Variants in DACH2 observed in about 807,000 individuals in gnomAD.
DACH2 encodes dachshund family transcription factor 2.
Under a neutral mutation model 35.8 loss-of-function variants are expected in DACH2, and 17 were observed. That is an observed-to-expected ratio of 0.48 (90% confidence interval 0.33 to 0.71). DACH2 has a LOEUF of 0.71. Ranked by LOEUF, DACH2 falls within the 30% of genes least tolerant of loss-of-function variation. DACH2 has a pLI of 0.02. For missense variants in DACH2, 469 were observed against 472.7 expected, an observed-to-expected ratio of 0.99 and a Z score of 0.07; for synonymous variants, 195 against 177.3, an observed-to-expected ratio of 1.10 and a Z score of -0.79.
At chrX:86,806,041 C>T (rs943132637) in intron 7 of DACH2, among the ~76,000 whole-genome samples, 6 of 111,577 alleles carry the variant, frequency 5.4e-5, no homozygotes, top group African/African-American at 2.0e-4. Flanking sequence ...GCTGCTTCCA[C>T]GTTTTTAGGT....
At chrX:86,420,241 A>G (rs144822692) in intron 2 of DACH2, among the ~76,000 whole-genome samples, 2,755 of 112,102 alleles carry the variant, frequency 0.025, 74 homozygotes, top group African/African-American at 0.084. Flanking sequence ...CCAGATAAAT[A>G]AGTAACTGCA....
At chrX:86,687,898 G>T (rs188218516) in intron 4 of DACH2, among the ~76,000 whole-genome samples, 1 of 109,714 alleles carries the variant, frequency 9.1e-6, no homozygotes, top group Non-Finnish European at 1.9e-5. Context: ...GTCAGAGGGT[G>T]GGGGGCTAGG....
intron 1 of DACH2, among the ~76,000 whole-genome samples, chrX:86,328,353 A>C (rs1445289593): frequency 9.0e-6 from 1 of 111,707 alleles, no homozygotes; most frequent in Non-Finnish European, 1.9e-5. Flanking sequence ...GGAGTCATTC[A>C]CTTAAACAAT....
intron 1 of DACH2, among the ~76,000 whole-genome samples, chrX:86,274,617 C>T (rs1439929483): frequency 9.4e-6 from 1 of 106,028 alleles, no homozygotes; most frequent in Non-Finnish European, 1.9e-5. Flanking sequence ...GCCTCAGCCT[C>T]TCGAGTAGCT....
At chrX:86,341,133 A>G (rs918733310) in intron 1 of DACH2, among the ~76,000 whole-genome samples, 2 of 111,717 alleles carry the variant, frequency 1.8e-5, no homozygotes, top group Non-Finnish European at 3.8e-5. Flanking sequence ...ACAGTCTCAT[A>G]GTGGGAAAAC....
intron 1 of DACH2, among the ~76,000 whole-genome samples, chrX:86,308,234 C>G (rs181187112): frequency 1.8e-5 from 2 of 112,703 alleles, no homozygotes; most frequent in East Asian, 5.6e-4. Flanking sequence ...TTGTCCTTTT[C>G]TGCATATTAG....
chrX:86,297,794 C>T (rs1466294841), intron 1 of DACH2, among the ~76,000 whole-genome samples: 2 of 111,998 alleles, frequency 1.8e-5, no homozygotes, highest in Non-Finnish European at 3.8e-5. Context: ...TATATATAGT[C>T]AATGGGATAT....
intron 2 of DACH2, among the ~76,000 whole-genome samples, chrX:86,493,989 A>C (rs1271687513): frequency 9.0e-6 from 1 of 111,500 alleles, no homozygotes. Flanking sequence ...AACTCTGGTC[A>C]TAATTCTTGG....
chrX:86,553,226 C>T lies in DACH2; in HGVS notation c.640+38835C>T, dbSNP rs1006168759. 8.1e-5 allele frequency among the ~76,000 whole-genome samples: 9 copies of T among 111,262 alleles called. No homozygotes were observed. In the South Asian group the frequency reaches 3.0e-3, roughly 38 times the overall value. On this transcript the variant is annotated intron_variant, in intron 3 of 11. Coordinates refer to ENST00000373125, the MANE Select transcript of DACH2 (RefSeq NM_053281.3). ...CCCCTGGCAAATCACTGGTGTAAGT[C>T]CAAGAGTCCAAAAGCTGAAGAACTT...
chrX:86,184,204 G>T, intron 1 of DACH2: 1 of 174,751 alleles, frequency 5.7e-6, no homozygotes, highest in African/African-American at 3.9e-5. Context: ...GTTATTTCTA[G>T]TCTTCTGATT....
At chrX:86,556,381 G>A (rs2039118800) in intron 3 of DACH2, among the ~76,000 whole-genome samples, 1 of 110,326 alleles carries the variant, frequency 9.1e-6, no homozygotes, top group Non-Finnish European at 1.9e-5. Context: ...TGTAGATGAG[G>A]AAACAGAGAA....
intron 4 of DACH2, among the ~76,000 whole-genome samples, chrX:86,676,657 T>TA (rs886627044): frequency 5.4e-5 from 6 of 112,079 alleles, no homozygotes; most frequent in African/African-American, 1.9e-4. Context: ...ACAGCTCAGA[T>TA]AAAAAACAAA....
At chrX:86,560,545 A>G (rs932519516) in intron 3 of DACH2, among the ~76,000 whole-genome samples, 2 of 105,734 alleles carry the variant, frequency 1.9e-5, no homozygotes, top group Non-Finnish European at 3.9e-5. Context: ...TGGTACCAAA[A>G]CAGAGATATA....
intron 1 of DACH2, among the ~76,000 whole-genome samples, chrX:86,305,598 T>C (rs1248621410): frequency 9.0e-6 from 1 of 110,962 alleles, no homozygotes; most frequent in African/African-American, 3.3e-5. Flanking sequence ...CAAACTAAAA[T>C]GCTTCTGCAT....
intron 1 of DACH2, among the ~76,000 whole-genome samples, chrX:86,157,402 C>T (rs1387211880): frequency 4.5e-5 from 5 of 111,022 alleles, no homozygotes; most frequent in Admixed American, 9.6e-5. Flanking sequence ...GATCTGTCGC[C>T]GGATTAAAGT....
At chrX:86,793,500 C>T (rs1251576881) in intron 7 of DACH2, among the ~76,000 whole-genome samples, 3 of 111,643 alleles carry the variant, frequency 2.7e-5, no homozygotes, top group Non-Finnish European at 3.8e-5. Context: ...AGAGAATACA[C>T]ACACATCACA....
chrX:86,236,166 G>A (rs1299341660), intron 1 of DACH2, among the ~76,000 whole-genome samples: 2 of 111,433 alleles, frequency 1.8e-5, no homozygotes, highest in Non-Finnish European at 3.8e-5. Context: ...TACTAAATCC[G>A]CACAACACTT....
chrX:86,696,674 T>C (rs1366517521), intron 5 of DACH2, among the ~76,000 whole-genome samples: 1 of 111,721 alleles, frequency 9.0e-6, no homozygotes, highest in Non-Finnish European at 1.9e-5. Flanking sequence ...AAGCCACAGC[T>C]AGATCCTGGT....
intron 1 of DACH2, among the ~76,000 whole-genome samples, chrX:86,170,776 G>A (rs183940332): frequency 8.8e-4 from 99 of 112,354 alleles, no homozygotes; most frequent in African/African-American, 3.0e-3. Context: ...CTAAGCATGC[G>A]CCTGTGACAC....
Sources: allele counts gnomAD v4.1 joint callset (sites outside exome capture counted in the v4.1 genomes callset), GRCh38; gene constraint gnomAD v4.1.1; transcripts MANE v1.5; gene names NCBI Gene and HGNC (gene_info 2026-07-23, HGNC 2026-07-21).